The following SCFD2 variants were observed in gnomAD, a reference collection of about 807,000 sequenced individuals.
SCFD2 encodes sec1 family domain-containing protein 2.
Under a neutral mutation model 58.9 loss-of-function variants are expected in SCFD2, and 54 were observed. The observed-to-expected ratio is 0.92, with a 90% CI of 0.74 to 1.15. The LOEUF (loss-of-function observed/expected upper bound fraction) is 1.15, where lower values mean the gene tolerates loss of function less well. Among genes scored for constraint, SCFD2 ranks in the 50% most tolerant of loss-of-function variants. The probability of loss-of-function intolerance (pLI) is 0.00; values close to 1 mark genes in which losing one functional copy is unlikely to be tolerated. For missense variants in SCFD2, 805 were observed against 836.6 expected, an observed-to-expected ratio of 0.96 and a Z score of 0.47; for synonymous variants, 321 against 335.9, an observed-to-expected ratio of 0.96 and a Z score of 0.49.
At chr4:53,125,247 A>T in intron 5 of SCFD2, among the ~76,000 whole-genome samples, 1 of 152,234 alleles carries the variant, frequency 6.6e-6, no homozygotes, top group African/African-American at 2.4e-5. Flanking sequence ...TGGTATTAAA[A>T]TATAGTACAG....
chr4:53,176,585 G>A (rs1407559241), intron 4 of SCFD2, among the ~76,000 whole-genome samples: 1 of 152,196 alleles, frequency 6.6e-6, no homozygotes, highest in African/African-American at 2.4e-5. Context: ...AATGGCAGCT[G>A]AGAGAAAAAG....
intron 7 of SCFD2, among the ~76,000 whole-genome samples, chr4:52,892,313 A>C (rs1446306721): frequency 6.6e-6 from 1 of 152,016 alleles, no homozygotes; most frequent in Non-Finnish European, 1.5e-5. Flanking sequence ...TTAGACTTTC[A>C]TCTTCTCACC....
chr4:53,343,147 T>A (rs1344477904), intron 2 of SCFD2, among the ~76,000 whole-genome samples: 1 of 151,740 alleles, frequency 6.6e-6, no homozygotes, highest in African/African-American at 2.4e-5. Flanking sequence ...AAAAAACCCA[T>A]CAAAAAAATC....
At chr4:53,109,132 C>A (rs544321238) in intron 5 of SCFD2, among the ~76,000 whole-genome samples, 1 of 152,062 alleles carries the variant, frequency 6.6e-6, no homozygotes, top group African/African-American at 2.4e-5. Flanking sequence ...ATTATCTCAA[C>A]AGATACAGAA....
intron 5 of SCFD2, among the ~76,000 whole-genome samples, chr4:53,067,498 T>C (rs962159832): frequency 7.2e-5 from 11 of 151,982 alleles, no homozygotes; most frequent in Non-Finnish European, 1.2e-4. Context: ...ATAATCCCCA[T>C]GTGTCAAGGG....
chr4:52,956,428 C>T (rs1307543001), intron 5 of SCFD2: 3 of 362,190 alleles, frequency 8.3e-6, no homozygotes, highest in Non-Finnish European at 1.6e-5. Context: ...CTCAAGTAAC[C>T]AGGCTGAGGG....
chr4:53,097,381 T>C (rs541668375), intron 5 of SCFD2, among the ~76,000 whole-genome samples: 1 of 152,182 alleles, frequency 6.6e-6, no homozygotes, highest in Admixed American at 6.6e-5. Flanking sequence ...TGTGTCCTCT[T>C]TTATTTCATT....
chr4:53,064,333 A>T lies in SCFD2; in HGVS notation c.1561+81000T>A, dbSNP rs557591673. 9.2e-5 allele frequency among the ~76,000 whole-genome samples: 14 copies of T among 152,182 alleles called. No homozygotes were observed. In the South Asian group the frequency reaches 2.9e-3, roughly 32 times the overall value. ...TTCCCATCTGTATGTCCACCAACAC[A>T]TACCATTTTGATTAAATACTTGAAT... is the stretch of plus-strand genomic sequence containing the variant. On this transcript the variant is annotated intron_variant, in intron 5 of 8. Transcript: ENST00000401642.
chr4:53,147,382 T>G (rs991482280), intron 4 of SCFD2, among the ~76,000 whole-genome samples: 65 of 152,220 alleles, frequency 4.3e-4, no homozygotes, highest in Admixed American at 3.9e-4. Flanking sequence ...TGGAAAAATT[T>G]GGATAGATCA....
intron 5 of SCFD2, among the ~76,000 whole-genome samples, chr4:53,077,629 G>A (rs1283449946): frequency 1.3e-5 from 2 of 151,950 alleles, no homozygotes; most frequent in African/African-American, 4.8e-5. Context: ...GTAGAGATGG[G>A]GTTTCACCAT....
At chr4:53,337,513 C>A (rs1334301012) in intron 2 of SCFD2, among the ~76,000 whole-genome samples, 1 of 152,070 alleles carries the variant, frequency 6.6e-6, no homozygotes, top group African/African-American at 2.4e-5. Flanking sequence ...ATATGTATTG[C>A]TGGTGGAAGT....
chr4:53,172,009 T>G (rs1418631067), intron 4 of SCFD2, among the ~76,000 whole-genome samples: 1 of 150,688 alleles, frequency 6.6e-6, no homozygotes, highest in Non-Finnish European at 1.5e-5. Context: ...TATTTATTAT[T>G]TATTATTTAT....
At chr4:53,255,872 C>T (rs1427292482) in intron 4 of SCFD2, among the ~76,000 whole-genome samples, 6 of 136,086 alleles carry the variant, frequency 4.4e-5, no homozygotes, top group East Asian at 2.3e-4. Flanking sequence ...CCGGACGGGG[C>T]GGCTGGCCGG....
At chr4:53,005,927 G>A (rs1357326977) in intron 5 of SCFD2, among the ~76,000 whole-genome samples, 2 of 152,108 alleles carry the variant, frequency 1.3e-5, no homozygotes, top group Non-Finnish European at 2.9e-5. Context: ...GCCCTACTGA[G>A]TGTTATGCAC....
chr4:52,887,370 T>C (rs1018625475), intron 7 of SCFD2, among the ~76,000 whole-genome samples: 4 of 152,272 alleles, frequency 2.6e-5, no homozygotes, highest in Non-Finnish European at 5.9e-5. Flanking sequence ...AATATTCTTA[T>C]ATACTAAAAT....
In SCFD2 at chr4:53,328,857, C is replaced by A. The variant is rs560612820; in HGVS notation, c.1008-15094G>T. On this transcript the variant is annotated intron_variant, in intron 2 of 8. Transcript: ENST00000401642. ...ACCAGGTTCATCTCACTAGGGAGTGCCAGACAGTGGGCGCAGGTCAGTGGG... is the reference window on the plus strand; with the variant it reads ...ACCAGGTTCATCTCACTAGGGAGTGACAGACAGTGGGCGCAGGTCAGTGGG... Among the ~76,000 whole-genome samples the A allele has an allele frequency of 3.9e-4, 59 of 152,308 alleles. No individual in the cohort carries two copies. The East Asian group carries it at 0.011, about 28-fold the overall frequency.
intron 4 of SCFD2, among the ~76,000 whole-genome samples, chr4:53,184,190 C>A (rs1320744033): frequency 6.6e-6 from 1 of 152,094 alleles, no homozygotes; most frequent in African/African-American, 2.4e-5. Flanking sequence ...AGTAACATAA[C>A]CACCCGTTTA....
At chr4:53,336,520 A>ATTAT (rs1308736738) in intron 2 of SCFD2, among the ~76,000 whole-genome samples, 1 of 150,766 alleles carries the variant, frequency 6.6e-6, no homozygotes, top group Non-Finnish European at 1.5e-5. Context: ...TTCTTCCTTT[A>ATTAT]TTATTTATTT....
In SCFD2 at chr4:53,335,001, G is replaced by A. The variant is rs112395316; in HGVS notation, c.1007+17597C>T. 8.8e-3 allele frequency among the ~76,000 whole-genome samples: 1,334 copies of A among 151,832 alleles called. 18 individuals carry two copies. The highest frequency in any genetic ancestry group is 0.03 in the African/African-American group (1,253 of 41,408). On this transcript the variant is annotated intron_variant, in intron 2 of 8. Transcript: ENST00000401642. ...CACTTGAGGCCAGGAGTTCAAGACC[G>A]GCCTAGCCAACATAGCAAAACCCCA...
Sources: gnomAD v4.1 joint callset for allele counts (sites outside exome capture counted in the v4.1 genomes callset) on GRCh38, gnomAD v4.1.1 for gene constraint, MANE v1.5 for transcripts, NCBI Gene and HGNC (gene_info 2026-07-23, HGNC 2026-07-21) for gene names.